Variants in GPR89B observed in about 807,000 individuals in gnomAD.
The protein encoded by GPR89B is G protein-coupled receptor 89B.
A neutral mutation model predicts 52.4 loss-of-function variants in GPR89B; 25 were observed. The observed-to-expected ratio is 0.48, with a 90% CI of 0.35 to 0.67. The LOEUF (loss-of-function observed/expected upper bound fraction) is 0.67, where lower values mean the gene tolerates loss of function less well. Ranked by LOEUF, GPR89B falls within the 30% of genes least tolerant of loss-of-function variation. GPR89B has a pLI of 0.01. For missense variants in GPR89B, 146 were observed against 450.2 expected (o/e 0.32, Z 6.11); for synonymous variants, 52 against 151.2 (o/e 0.34, Z 4.81).
chr1:147,961,650 A>AT (rs1436108673), intron 7 of GPR89B, among the ~76,000 whole-genome samples: 1 of 152,202 alleles, frequency 6.6e-6, no homozygotes, highest in East Asian at 1.9e-4. Flanking sequence ...TGAAAATCCA[A>AT]TTTTTTTAAA....
rs587767038 is a variant in GPR89B at position 147,943,836 on chromosome 1, C to T, written c.314-161C>T. ...CTTAAATTCAGCTAAATTTCTCTTA[C>T]GATGGTAAGGATGCTTTCACTAAAA... On this transcript the variant is annotated intron_variant, in intron 4 of 13. Transcript: ENST00000314163. 159 of 850,682 alleles carry T rather than the reference C, an allele frequency of 1.9e-4. No homozygotes were observed. The African/African-American group carries it at 2.0e-3, about 11-fold the overall frequency. 52.7% of individuals were successfully genotyped at this position (850,682 alleles called of 1,614,324 possible).
the GPR89B span, among the ~76,000 whole-genome samples, chr1:148,012,787 C>T: frequency 6.6e-6 from 1 of 151,928 alleles, no homozygotes; most frequent in Admixed American, 6.6e-5. Flanking sequence ...TCACTGAAGG[C>T]TTTGATTGCT....
At chr1:148,018,527 C>T in the GPR89B span, among the ~76,000 whole-genome samples, 1 of 151,182 alleles carries the variant, frequency 6.6e-6, no homozygotes, top group Non-Finnish European at 1.5e-5. Flanking sequence ...ACTAACTATG[C>T]CCATCATCTC....
At chr1:147,930,472 T>C (rs1164155355) in intron 1 of GPR89B, among the ~76,000 whole-genome samples, 1 of 152,112 alleles carries the variant, frequency 6.6e-6, no homozygotes, top group Non-Finnish European at 1.5e-5. Flanking sequence ...CAAGATACTG[T>C]CTGTCTTGTT....
the GPR89B span, among the ~76,000 whole-genome samples, chr1:148,009,790 C>T: frequency 6.6e-6 from 1 of 152,112 alleles, no homozygotes; most frequent in Non-Finnish European, 1.5e-5. Flanking sequence ...GAGCTTCTGG[C>T]ACTGCTGGAA....
At chr1:147,990,653 AGCTT>A (rs1658997366) in intron 12 of GPR89B, among the ~76,000 whole-genome samples, 1 of 152,124 alleles carries the variant, frequency 6.6e-6, no homozygotes, top group African/African-American at 2.4e-5. Context: ...ATCCAGTTTC[AGCTT>A]TCTACATATG....
intron 3 of GPR89B, among the ~76,000 whole-genome samples, chr1:147,940,137 C>T (rs1166440365): frequency 6.6e-6 from 1 of 152,000 alleles, no homozygotes; most frequent in East Asian, 1.9e-4. Context: ...GGCGCGGTGG[C>T]TCACGCCTGT....
At chr1:147,975,666 C>G (rs1168081233) in intron 10 of GPR89B, among the ~76,000 whole-genome samples, 4 of 152,218 alleles carry the variant, frequency 2.6e-5, no homozygotes, top group African/African-American at 9.6e-5. Context: ...TGCAGTTCTG[C>G]TGTGACCTTG....
chr1:148,009,526 C>T, the GPR89B span: 62 of 1,575,964 alleles, frequency 3.9e-5, 3 homozygotes, highest in African/African-American at 3.9e-4. Context: ...ACTGCTTTCT[C>T]ATAGGAATCC....
At chr1:147,950,433 G>A (rs1419547865) in intron 5 of GPR89B, among the ~76,000 whole-genome samples, 18 of 150,112 alleles carry the variant, frequency 1.2e-4, no homozygotes, top group Non-Finnish European at 2.4e-4. Context: ...GGGCAGAGAC[G>A]CTCCTCACTT....
intron 10 of GPR89B, among the ~76,000 whole-genome samples, chr1:147,985,014 T>A (rs1372432852): frequency 1.3e-5 from 2 of 152,230 alleles, no homozygotes; most frequent in Non-Finnish European, 2.9e-5. Context: ...GTCAAATTCA[T>A]TGATAGTATT....
rs1342564373 is a variant in GPR89B at position 147,973,766 on chromosome 1, G to A, written c.909+3807G>A. On this transcript the variant is annotated intron_variant, in intron 10 of 13. Coordinates refer to ENST00000314163, the MANE Select transcript of GPR89B (RefSeq NM_016334.5). ...CCTGTGCCATGTCCTGAATGGTATT[G>A]CCTAGATTTTCTTCTAGGTTTTTTA... Among the ~76,000 whole-genome samples, 1,064 of 151,988 alleles carry A rather than the reference G, an allele frequency of 7.0e-3. 28 individuals are homozygous for A. Among genetic ancestry groups the A allele is most frequent in the African/African-American group, 0.025 (1,013 of 41,298 alleles).
the GPR89B span, among the ~76,000 whole-genome samples, chr1:148,013,172 A>G: frequency 2.0e-5 from 3 of 152,070 alleles, no homozygotes; most frequent in East Asian, 1.9e-4. Context: ...GTTTGGAGGC[A>G]CAAAAGGAAG....
At chr1:148,009,662 C>G in the GPR89B span, 1 of 705,556 alleles carries the variant, frequency 1.4e-6, no homozygotes, top group Non-Finnish European at 2.4e-6. Context: ...TGCTGACCAT[C>G]TGGCTCAATA....
At chr1:148,009,724 G>A in the GPR89B span, 5 of 868,058 alleles carry the variant, frequency 5.8e-6, no homozygotes, top group Non-Finnish European at 9.0e-6. Flanking sequence ...GTAGAAGCAG[G>A]TAGTTCCTCA....
At chr1:147,982,114 C>T (rs1258590137) in intron 10 of GPR89B, among the ~76,000 whole-genome samples, 3 of 151,760 alleles carry the variant, frequency 2.0e-5, no homozygotes, top group African/African-American at 4.9e-5. Context: ...GGCTGGAGTG[C>T]AGTGGTGCAG....
At position 147,940,214 on chromosome 1, in the gene GPR89B, T is replaced by C. The variant is rs587653458; in HGVS notation, c.206+1397T>C. On this transcript the variant is annotated intron_variant, in intron 3 of 13. Coordinates refer to ENST00000314163, the MANE Select transcript of GPR89B (RefSeq NM_016334.5). ...GTCAGGAGATCAAGACCATCCTGGC[T>C]AACATGGTGAAACCCCGTCTCTACT... 8.6e-3 allele frequency among the ~76,000 whole-genome samples: 1,288 copies of C among 149,672 alleles called. 27 individuals carry two copies. Among genetic ancestry groups the C allele is most frequent in the Non-Finnish European group, 0.015 (972 of 66,112 alleles).
the GPR89B span, among the ~76,000 whole-genome samples, chr1:148,020,709 C>T: frequency 6.6e-6 from 1 of 152,058 alleles, no homozygotes; most frequent in African/African-American, 2.4e-5. Context: ...TCGTTTGAGA[C>T]AGAGTCTCTG....
chr1:148,018,400 C>T, the GPR89B span, among the ~76,000 whole-genome samples: 1 of 121,032 alleles, frequency 8.3e-6, no homozygotes, highest in African/African-American at 3.3e-5. Context: ...GCCTGGGCAA[C>T]AAAGTGAGAC....
Sources: gnomAD v4.1 joint callset for allele counts (sites outside exome capture counted in the v4.1 genomes callset) on GRCh38, gnomAD v4.1.1 for gene constraint, MANE v1.5 for transcripts, NCBI Gene and HGNC (gene_info 2026-07-23, HGNC 2026-07-21) for gene names.